EXPH5: variants seen among roughly 807,000 people sequenced by gnomAD.
EXPH5 encodes exophilin 5.
A neutral mutation model predicts 41.1 loss-of-function variants in EXPH5; 42 were observed. The observed-to-expected ratio is 1.02, with a 90% CI of 0.80 to 1.32. The LOEUF (loss-of-function observed/expected upper bound fraction) is 1.32, where lower values mean the gene tolerates loss of function less well. EXPH5 is among the 40% of genes most tolerant of loss of function. The pLI is 0.00. For synonymous variants in EXPH5, 798 were observed against 833.5 expected, an observed-to-expected ratio of 0.96 and a Z score of 0.73; for missense variants, 2,298 against 2,314.5, an observed-to-expected ratio of 0.99 and a Z score of 0.15.
chr11:108,525,555 C>T (rs2093793200), intron 4 of EXPH5, among the ~76,000 whole-genome samples: 1 of 152,172 alleles, frequency 6.6e-6, no homozygotes, highest in South Asian at 2.1e-4. Flanking sequence ...GTGTCTTTTG[C>T]TTCTTTTAAG....
At chr11:108,584,129 T>C (rs1352984209) in intron 1 of EXPH5, among the ~76,000 whole-genome samples, 1 of 152,198 alleles carries the variant, frequency 6.6e-6, no homozygotes, top group Non-Finnish European at 1.5e-5. Context: ...TCGGATGGCT[T>C]ATTTAACTCA....
intron 2 of EXPH5, among the ~76,000 whole-genome samples, chr11:108,541,118 T>G (rs2093910287): frequency 6.6e-6 from 1 of 152,080 alleles, no homozygotes; most frequent in African/African-American, 2.4e-5. Flanking sequence ...TTGCCCAGGC[T>G]CGTCTCAAAC....
rs570433936 is a variant in EXPH5 at position 108,552,718 on chromosome 11, A to T, written c.120-10906T>A. On this transcript the variant is annotated intron_variant, in intron 1 of 5. Coordinates refer to ENST00000265843, the MANE Select transcript of EXPH5 (RefSeq NM_015065.3). ...GATTACTTGAGCCCAGGAGTTTGAG[A>T]CCAGCAACGTACTGAGACTCCGTCT... is the stretch of plus-strand genomic sequence containing the variant. Among the ~76,000 whole-genome samples the T allele has an allele frequency of 5.9e-5, 9 of 152,314 alleles. No homozygotes were observed. The South Asian group carries it at 1.9e-3, about 32-fold the overall frequency.
Position 108,514,130 on chromosome 11 carries a change from T to C in EXPH5, c.1377A>G (p.Arg459=), listed in dbSNP as rs116565594. 2.0e-3 allele frequency: 3,208 copies of C among 1,613,708 alleles called. 59 individuals are homozygous for C. The African/African-American group carries it at 0.038, about 19-fold the overall frequency. ...GTCCAAAGGTATTGCTGAAGAAAGA[T>C]CTGGTAAATGTGTTGCTTTGATGGT... ...PFYHQSNTFT[R]SFFSNTFGRS... The change falls in exon 6 of 6, where the codon AGA becomes AGG. Residue 459 remains arginine, a synonymous_variant. Coordinates refer to ENST00000265843, the MANE Select transcript of EXPH5 (RefSeq NM_015065.3).
At chr11:108,580,445 T>C (rs1323993100) in intron 1 of EXPH5, among the ~76,000 whole-genome samples, 1 of 152,128 alleles carries the variant, frequency 6.6e-6, no homozygotes, top group Admixed American at 6.5e-5. Context: ...GGAACTCTTA[T>C]ACACTGTTGG....
At chr11:108,605,812 T>C in the EXPH5 span, among the ~76,000 whole-genome samples, 1 of 152,222 alleles carries the variant, frequency 6.6e-6, no homozygotes, top group East Asian at 1.9e-4. Flanking sequence ...ACAAATGTAA[T>C]AATTCAGCAG....
At chr11:108,547,100 C>A (rs1444456339) in intron 1 of EXPH5, among the ~76,000 whole-genome samples, 1 of 152,180 alleles carries the variant, frequency 6.6e-6, no homozygotes, top group Admixed American at 6.5e-5. Context: ...TGCGCCTGGC[C>A]ATGCATTTTC....
chr11:108,528,324 G>C, intron 3 of EXPH5, 140 bp from the exon 4 acceptor site: 1 of 596,106 alleles, frequency 1.7e-6, no homozygotes, highest in Non-Finnish European at 3.0e-6. Context: ...ATGTTTCTTC[G>C]TTAGTGCATT....
intron 1 of EXPH5, among the ~76,000 whole-genome samples, chr11:108,573,513 C>T (rs2094070018): frequency 6.6e-6 from 1 of 152,188 alleles, no homozygotes; most frequent in African/African-American, 2.4e-5. Context: ...CCTGTGATTT[C>T]CTTCTGAGAT....
intron 1 of EXPH5, among the ~76,000 whole-genome samples, chr11:108,584,680 T>C (rs1020303240): frequency 2.6e-5 from 4 of 152,166 alleles, no homozygotes; most frequent in African/African-American, 9.6e-5. Flanking sequence ...CTTTCAACAA[T>C]GGTGTTGGGA....
chr11:108,528,456 A>G (rs1051896983), intron 3 of EXPH5, among the ~76,000 whole-genome samples: 1 of 152,228 alleles, frequency 6.6e-6, no homozygotes, highest in African/African-American at 2.4e-5. Flanking sequence ...ACAACATGAC[A>G]CATAAAATAT....
chr11:108,573,415 G>GA (rs575605540), intron 1 of EXPH5, among the ~76,000 whole-genome samples: 1 of 151,964 alleles, frequency 6.6e-6, no homozygotes, highest in African/African-American at 2.4e-5. Flanking sequence ...ATGGGAAGAG[G>GA]AAAAAAACTG....
the EXPH5 span, among the ~76,000 whole-genome samples, chr11:108,600,329 G>T: frequency 1.3e-5 from 2 of 152,116 alleles, no homozygotes; most frequent in African/African-American, 4.8e-5. Context: ...CTAATCAAAT[G>T]GTGGCTCCAA....
Position 108,513,746 on chromosome 11 carries a change from A to T in EXPH5, c.1761T>A (p.Gly587=). The change falls in exon 6 of 6, where the codon GGT becomes GGA. Residue 587 remains glycine, a synonymous_variant. Transcript: ENST00000265843. ...CACTAGATTTGACGTGATAGCTTGA[A>T]CCAGTCATGGAGCAAACATTTGGTG... The part of the protein sequence containing the change: ...FGTPNVCSMT[G]SSYHVKSSEL... The T allele has an allele frequency of 6.2e-7, 1 of 1,610,668 alleles. No individual in the cohort carries two copies. Among genetic ancestry groups the T allele is most frequent in the Non-Finnish European group, 8.5e-7 (1 of 1,178,706 alleles).
At chr11:108,595,750 A>G (rs2094138037), upstream of EXPH5, among the ~76,000 whole-genome samples, 1 of 152,206 alleles carries the variant, frequency 6.6e-6, no homozygotes, top group Non-Finnish European at 1.5e-5. Context: ...GACAGTAGTG[A>G]GAAAGAGGTT....
intron 3 of EXPH5, among the ~76,000 whole-genome samples, chr11:108,530,616 C>T (rs899186207): frequency 2.0e-5 from 3 of 152,184 alleles, no homozygotes; most frequent in African/African-American, 4.8e-5. Flanking sequence ...TTTCTGGAAT[C>T]CTGCTGGGCT....
At chr11:108,516,218 C>A (rs1485946546) in intron 5 of EXPH5, among the ~76,000 whole-genome samples, 3 of 152,046 alleles carry the variant, frequency 2.0e-5, no homozygotes, top group Non-Finnish European at 4.4e-5. Context: ...ACTTTTCTCT[C>A]GGTAGCAAAG....
At chr11:108,589,791 T>G (rs1167799752) in intron 1 of EXPH5, among the ~76,000 whole-genome samples, 2 of 152,218 alleles carry the variant, frequency 1.3e-5, no homozygotes, top group Non-Finnish European at 2.9e-5. Context: ...AGATCTGGAT[T>G]ATAAATTCTG....
the EXPH5 span, among the ~76,000 whole-genome samples, chr11:108,600,974 C>T: frequency 6.6e-6 from 1 of 152,158 alleles, no homozygotes; most frequent in East Asian, 1.9e-4. Flanking sequence ...TGTTGCCATG[C>T]CTTAAGAAGC....
Sources: gnomAD v4.1 joint callset for allele counts (sites outside exome capture counted in the v4.1 genomes callset) on GRCh38, gnomAD v4.1.1 for gene constraint, MANE v1.5 for transcripts, NCBI Gene and HGNC (gene_info 2026-07-23, HGNC 2026-07-21) for gene names.